SCAMP1: variants seen among roughly 807,000 people sequenced by gnomAD.
SCAMP1 encodes secretory carrier-associated membrane protein 1.
SCAMP1 carries 15 observed loss-of-function variants against 41.8 expected under a neutral mutation model. The ratio of observed to expected loss-of-function variants is 0.36; its 90% CI spans 0.24 to 0.55. The LOEUF is 0.55. SCAMP1 is among the 20% of genes least tolerant of loss of function. SCAMP1 has a pLI of 0.86. For synonymous variants in SCAMP1, 135 were observed against 136.8 expected (o/e 0.99, Z 0.09); for missense variants, 341 against 412.6 (o/e 0.83, Z 1.50).
intron 1 of SCAMP1, among the ~76,000 whole-genome samples, chr5:78,387,643 G>A (rs527351335): frequency 5.9e-5 from 9 of 152,124 alleles, no homozygotes; most frequent in Non-Finnish European, 8.8e-5. Flanking sequence ...TTTGTCCCAC[G>A]GGGTGCTCCC....
chr5:78,465,308 C>T (rs1283990519), intron 8 of SCAMP1, among the ~76,000 whole-genome samples: 1 of 152,200 alleles, frequency 6.6e-6, no homozygotes, highest in African/African-American at 2.4e-5. Context: ...GCTTTGGAAC[C>T]ATACAACTCA....
intron 1 of SCAMP1, 115 bp from the exon 2 acceptor site, chr5:78,388,720 CCT>C (rs763203523): frequency 6.2e-6 from 3 of 485,500 alleles, no homozygotes; most frequent in Non-Finnish European, 1.1e-5. Flanking sequence ...CTTTTATTTT[CCT>C]CTGTTAGCCT....
chr5:78,449,796 CTTTTTTTTG>C (rs1426345926), intron 6 of SCAMP1, 128 bp from the exon 7 acceptor site: 2 of 545,398 alleles, frequency 3.7e-6, no homozygotes, highest in Non-Finnish European at 6.3e-6. Context: ...GTGGTTGCCA[CTTTTTTTTG>C]TTTGTGCTTT....
At chr5:78,415,663 A>G in intron 3 of SCAMP1, 45 bp downstream of exon 3, 1 of 1,159,046 alleles carries the variant, frequency 8.6e-7, no homozygotes, top group South Asian at 1.4e-5. Context: ...CCATTATAAT[A>G]TCAATAACAT....
chr5:78,361,423 T>A (rs753178452), intron 1 of SCAMP1, among the ~76,000 whole-genome samples: 23 of 152,268 alleles, frequency 1.5e-4, no homozygotes, highest in Non-Finnish European at 7.4e-5. Context: ...CAGCTGCTTC[T>A]AGCAAGGTAA....
At chr5:78,365,249 C>T (rs1161582779) in intron 1 of SCAMP1, among the ~76,000 whole-genome samples, 2 of 151,390 alleles carry the variant, frequency 1.3e-5, no homozygotes, top group African/African-American at 4.9e-5. Context: ...CTGAGGCGGG[C>T]GAATCACGAG....
intron 6 of SCAMP1, among the ~76,000 whole-genome samples, chr5:78,425,493 G>A (rs1752446772): frequency 6.6e-6 from 1 of 152,012 alleles, no homozygotes; most frequent in Admixed American, 6.5e-5. Context: ...AGCTTGTAGA[G>A]AATATTTTTA....
intron 6 of SCAMP1, among the ~76,000 whole-genome samples, chr5:78,433,362 G>T (rs1752669239): frequency 6.6e-6 from 1 of 151,990 alleles, no homozygotes; most frequent in South Asian, 2.1e-4. Flanking sequence ...AATAGGTTTT[G>T]TGCCTTAAGT....
At chr5:78,396,117 GA>G (rs1751643692) in intron 2 of SCAMP1, among the ~76,000 whole-genome samples, 1 of 152,158 alleles carries the variant, frequency 6.6e-6, no homozygotes, top group South Asian at 2.1e-4. Context: ...CCCTATCCTT[GA>G]AACATAGAGG....
At chr5:78,384,173 TTTTTTTC>T (rs1273386623) in intron 1 of SCAMP1, among the ~76,000 whole-genome samples, 2 of 81,576 alleles carry the variant, frequency 2.5e-5, no homozygotes, top group East Asian at 2.1e-4. Flanking sequence ...ATTCCCAAGT[TTTTTTTC>T]TTTTTTTTTT....
In SCAMP1 at chr5:78,362,993, A is replaced by C. The variant is rs1426670374; in HGVS notation, c.57+2265A>C. ...CCACAACCTCTGCCTCCCGTGTTCA[A>C]GTGATTCTCCTGCCTCAACCTCCCT... is the stretch of plus-strand genomic sequence containing the variant. On this transcript the variant is annotated intron_variant, in intron 1 of 8. Coordinates refer to ENST00000621999, the MANE Select transcript of SCAMP1 (RefSeq NM_004866.6). Among the ~76,000 whole-genome samples the C allele has an allele frequency of 5.2e-4, 78 of 150,366 alleles. 2 individuals carry two copies. The Admixed American group carries it at 5.2e-3, about 10-fold the overall frequency.
At chr5:78,402,134 A>C (rs1434931827) in intron 2 of SCAMP1, among the ~76,000 whole-genome samples, 1 of 148,834 alleles carries the variant, frequency 6.7e-6, no homozygotes, top group Non-Finnish European at 1.5e-5. Context: ...GGGATGTTTC[A>C]GTTTTCTTCT....
chr5:78,432,273 T>A (rs1752643002), intron 6 of SCAMP1, among the ~76,000 whole-genome samples: 1 of 152,188 alleles, frequency 6.6e-6, no homozygotes, highest in Admixed American at 6.6e-5. Context: ...TTAATACCAT[T>A]TCAGCACTTT....
At chr5:78,391,470 C>T (rs1751499938) in intron 2 of SCAMP1, among the ~76,000 whole-genome samples, 1 of 151,998 alleles carries the variant, frequency 6.6e-6, no homozygotes. Flanking sequence ...ACCCCCACCT[C>T]CCTCCCGGAT....
In SCAMP1 at chr5:78,459,360, A is replaced by G. The variant is rs565328695; in HGVS notation, c.850A>G (p.Lys284Glu). The change falls in exon 8 of 9, where the codon AAA (lysine) becomes GAA (glutamate). Residue 284 changes from lysine (K) to glutamate (E), a missense_variant and splice_region_variant. Physicochemically the swap from Lys to Glu is moderately conservative, Grantham distance 56. Transcript: ENST00000621999. ...AGTCATCTCACTAGTTATGTTCAAA[A>G]AAGTAAGTGAAATTTTATGTCTAAA... is the stretch of plus-strand genomic sequence containing the variant. ...SAVISLVMFK[K>E]VHGLYRTTGA... The G allele has an allele frequency of 1.3e-5, 18 of 1,413,216 alleles. No individual in the cohort carries two copies. Among genetic ancestry groups the G allele is most frequent in the Non-Finnish European group, 1.7e-5 (17 of 1,006,632 alleles). The allele number at this position is 1,413,216 out of a possible 1,614,324, so 87.5% of individuals were successfully genotyped here.
intron 1 of SCAMP1, among the ~76,000 whole-genome samples, chr5:78,388,038 C>G (rs532932448): frequency 6.6e-6 from 1 of 152,268 alleles, no homozygotes; most frequent in South Asian, 2.1e-4. Flanking sequence ...CCTCGGCTGT[C>G]CCAGGAACCT....
intron 1 of SCAMP1, among the ~76,000 whole-genome samples, chr5:78,367,785 G>C (rs115621700): frequency 2.5e-3 from 380 of 152,258 alleles, no homozygotes; most frequent in African/African-American, 8.7e-3. Context: ...GAGGCGTGTA[G>C]CACCTGCTGA....
intron 7 of SCAMP1, among the ~76,000 whole-genome samples, chr5:78,454,493 T>C (rs1319215903): frequency 6.6e-6 from 1 of 151,558 alleles, no homozygotes; most frequent in Non-Finnish European, 1.5e-5. Flanking sequence ...ATTTATTGAT[T>C]TGCATATATT....
chr5:78,450,193 A>G lies in SCAMP1; in HGVS notation c.734+159A>G, dbSNP rs150516232. Among the ~76,000 whole-genome samples the G allele has an allele frequency of 8.8e-3, 1,345 of 152,272 alleles. 16 individuals carry two copies. The highest frequency in any genetic ancestry group is 0.03 in the African/African-American group (1,267 of 41,546). On this transcript the variant is annotated intron_variant, in intron 7 of 8. Transcript: ENST00000621999. ...AATTTTAAAATGTCATAAGGCATAA[A>G]CTTTGGACAAACCTGTGTCTTTGAA...
Sources: gnomAD v4.1 joint callset for allele counts (sites outside exome capture counted in the v4.1 genomes callset) on GRCh38, gnomAD v4.1.1 for gene constraint, MANE v1.5 for transcripts, NCBI Gene and HGNC (gene_info 2026-07-23, HGNC 2026-07-21) for gene names.